Variants in PIK3CD observed in about 807,000 individuals in gnomAD.
The protein encoded by PIK3CD is phosphatidylinositol 4,5-bisphosphate 3-kinase catalytic subunit delta isoform.
In PIK3CD, 20 loss-of-function variants were observed where a neutral mutation model predicts 122.9. That is an observed-to-expected ratio of 0.16 (90% CI 0.11 to 0.24). PIK3CD has a LOEUF of 0.24. Ranked by LOEUF, PIK3CD falls within the 10% of genes least tolerant of loss-of-function variation. The probability of loss-of-function intolerance (pLI) is 1.00; values close to 1 mark genes in which losing one functional copy is unlikely to be tolerated. For synonymous variants in PIK3CD, 596 were observed against 593.4 expected (o/e 1.00, Z -0.06); for missense variants, 787 against 1,406.3 (o/e 0.56, Z 7.04).
chr1:9,726,381 T>C lies in PIK3CD; in HGVS notation c.2998-528T>C, dbSNP rs1045851016. The stretch of plus-strand genomic sequence containing the variant: ...AAAATTAGCCAGGTGTGGTGGCGGC[T>C]GCCTGTAGTCCCAGCTACTTGGGAG... On this transcript the variant is annotated intron_variant, in intron 23 of 23. Transcript: ENST00000377346. 4.0e-5 allele frequency among the ~76,000 whole-genome samples: 6 copies of C among 151,650 alleles called. No individual in the cohort carries two copies. The East Asian group carries it at 5.8e-4, about 15-fold the overall frequency.
intron 1 of PIK3CD, among the ~76,000 whole-genome samples, chr1:9,684,177 A>G (rs2100303462): frequency 6.6e-6 from 1 of 152,208 alleles, no homozygotes; most frequent in Middle Eastern, 3.4e-3. Context: ...CACAGAGGCC[A>G]TCTCTCAATG....
chr1:9,647,664 G>A (rs1644621213), upstream of PIK3CD, among the ~76,000 whole-genome samples: 1 of 151,790 alleles, frequency 6.6e-6, no homozygotes, highest in Non-Finnish European at 1.5e-5. Flanking sequence ...ATGCCACCAT[G>A]CCTGGCTAAT....
Position 9,651,782 on chromosome 1 carries a change from C to A in PIK3CD, c.-158C>A, listed in dbSNP as rs2100671623. The A allele has an allele frequency of 6.6e-6, 1 of 152,232 alleles. No individual in the cohort carries two copies. The highest frequency in any genetic ancestry group is 2.1e-4 in the South Asian group (1 of 4,834). 9.4% of individuals were successfully genotyped at this position (152,232 alleles called of 1,614,324 possible). ...GCGGCCGCGAGCAGAGCCGCCCAGCCCTGCCAGCTGCGCCGGGACGGTAAG... is the reference window on the plus strand; with the variant it reads ...GCGGCCGCGAGCAGAGCCGCCCAGCACTGCCAGCTGCGCCGGGACGGTAAG... On this transcript the variant is annotated 5_prime_UTR_variant, in exon 1 of 24. Transcript: ENST00000377346.
chr1:9,677,677 G>A (rs1645588419), intron 1 of PIK3CD, among the ~76,000 whole-genome samples: 1 of 151,574 alleles, frequency 6.6e-6, no homozygotes, highest in Non-Finnish European at 1.5e-5. Context: ...TACAGCAGAG[G>A]CTGCATCTGG....
In PIK3CD at chr1:9,666,305, A is replaced by G. The variant is rs556204263; in HGVS notation, c.-138+14503A>G. Among the ~76,000 whole-genome samples, 9 of 130,252 alleles carry G rather than the reference A, an allele frequency of 6.9e-5. 1 individual carries two copies. The South Asian group carries it at 1.3e-3, about 18-fold the overall frequency. 85.5% of individuals were successfully genotyped at this position (130,252 alleles called of 152,430 possible). ...ACCGAGGCTGGAGTACAGTGGTGCA[A>G]TCTCGGCTCACTGCAACCTCTGCCC... is the stretch of plus-strand genomic sequence containing the variant. On this transcript the variant is annotated intron_variant, in intron 1 of 23. Coordinates refer to ENST00000377346, the MANE Select transcript of PIK3CD (RefSeq NM_005026.5).
chr1:9,673,343 T>C (rs889155601), intron 1 of PIK3CD, among the ~76,000 whole-genome samples: 4 of 152,142 alleles, frequency 2.6e-5, no homozygotes, highest in Non-Finnish European at 5.9e-5. Context: ...CACTGCAACC[T>C]CTGCCTCTCT....
intron 2 of PIK3CD, among the ~76,000 whole-genome samples, chr1:9,692,869 A>C (rs551158827): frequency 6.6e-6 from 1 of 152,280 alleles, no homozygotes; most frequent in East Asian, 1.9e-4. Context: ...CTACCTCTGA[A>C]GGCCTGGGGT....
the PIK3CD span, among the ~76,000 whole-genome samples, chr1:9,635,032 C>T: frequency 3.8e-3 from 572 of 152,238 alleles, 6 homozygotes; most frequent in African/African-American, 0.013. Context: ...TGGCTCACGC[C>T]TGTAATCCCA....
At chr1:9,650,161 C>T (rs1025679147), upstream of PIK3CD, among the ~76,000 whole-genome samples, 10 of 152,118 alleles carry the variant, frequency 6.6e-5, no homozygotes, top group Non-Finnish European at 1.5e-4. Flanking sequence ...TGGTGGTTCA[C>T]GCCTGTAATC....
At chr1:9,702,292 C>G (rs2100648083) in intron 2 of PIK3CD, among the ~76,000 whole-genome samples, 1 of 151,764 alleles carries the variant, frequency 6.6e-6, no homozygotes, top group South Asian at 2.1e-4. Flanking sequence ...GCTTGGAGTA[C>G]CAAACTGTGG....
chr1:9,646,043 A>G, the PIK3CD span, among the ~76,000 whole-genome samples: 1 of 151,984 alleles, frequency 6.6e-6, no homozygotes. Flanking sequence ...AAGTGCTGGG[A>G]TTACAGGCGG....
intron 1 of PIK3CD, among the ~76,000 whole-genome samples, chr1:9,677,160 G>A (rs1339038215): frequency 1.3e-5 from 2 of 152,216 alleles, no homozygotes; most frequent in African/African-American, 2.4e-5. Flanking sequence ...CCTGGGCAGA[G>A]AGCCAGCTGC....
At chr1:9,647,376 AGAGT>A (rs1644618496), upstream of PIK3CD, among the ~76,000 whole-genome samples, 1 of 152,010 alleles carries the variant, frequency 6.6e-6, no homozygotes, top group Non-Finnish European at 1.5e-5. Context: ...CCTGAGTGAC[AGAGT>A]GAGACCCTGT....
chr1:9,639,405 A>G, the PIK3CD span, among the ~76,000 whole-genome samples: 1 of 152,102 alleles, frequency 6.6e-6, no homozygotes. Context: ...AGCACCCCCG[A>G]GAGGGTAACC....
chr1:9,674,852 CA>C (rs1006342265), intron 1 of PIK3CD, among the ~76,000 whole-genome samples: 1 of 150,730 alleles, frequency 6.6e-6, no homozygotes, highest in African/African-American at 2.4e-5. Flanking sequence ...GGCAACATGG[CA>C]AAACCCCATC....
upstream of PIK3CD, among the ~76,000 whole-genome samples, chr1:9,647,742 C>G (rs571622943): frequency 6.6e-6 from 1 of 152,168 alleles, no homozygotes; most frequent in East Asian, 1.9e-4. Context: ...CTAGCCCCAG[C>G]CTCCCAAAGT....
chr1:9,679,063 CTT>C (rs148088382), intron 1 of PIK3CD, among the ~76,000 whole-genome samples: 28 of 116,544 alleles, frequency 2.4e-4, no homozygotes, highest in African/African-American at 6.9e-4. Flanking sequence ...TCAGGAGAAA[CTT>C]TTTTTTTTTT....
chr1:9,640,250 G>T, the PIK3CD span, among the ~76,000 whole-genome samples: 28 of 152,084 alleles, frequency 1.8e-4, no homozygotes, highest in Non-Finnish European at 2.1e-4. Flanking sequence ...TCCCCAGGGA[G>T]CCCTGGTTCC....
rs184440347 is a variant in PIK3CD at position 9,704,949 on chromosome 1, C to T, written c.-32-5475C>T. On this transcript the variant is annotated intron_variant, in intron 2 of 23. Coordinates refer to ENST00000377346, the MANE Select transcript of PIK3CD (RefSeq NM_005026.5). This position sits in a 1 kb window ranked among gnomAD's most constrained non-coding sequence, Gnocchi z 5.0. ...GCAGTGCCTAGAGATGTGCAGCTCTCGCTCCTCAGGGCAGCTGGGGTCCAG... is the reference window on the plus strand; with the variant it reads ...GCAGTGCCTAGAGATGTGCAGCTCTTGCTCCTCAGGGCAGCTGGGGTCCAG... Among the ~76,000 whole-genome samples the T allele has an allele frequency of 2.0e-4, 30 of 152,342 alleles. No homozygotes were observed. The highest frequency in any genetic ancestry group is 6.2e-4 in the South Asian group (3 of 4,824).
Sources: gnomAD v4.1 joint callset for allele counts (sites outside exome capture counted in the v4.1 genomes callset) on GRCh38, gnomAD v4.1.1 for gene constraint, Gnocchi (gnomAD v3.1) non-coding constraint, MANE v1.5 for transcripts, NCBI Gene and HGNC (gene_info 2026-07-23, HGNC 2026-07-21) for gene names.